The following EIF3A variants were observed in gnomAD, a reference collection of about 807,000 sequenced individuals.
EIF3A encodes EIF3, p180 subunit.
EIF3A carries 21 observed loss-of-function variants against 186.6 expected under a neutral mutation model. That is an observed-to-expected ratio of 0.11 (90% CI 0.08 to 0.16). The LOEUF is 0.16. Among genes scored for constraint, EIF3A ranks in the 10% least tolerant of loss-of-function variants. The pLI, the probability that EIF3A is intolerant of heterozygous loss-of-function variation, is 1.00. For synonymous variants in EIF3A, 563 were observed against 584.3 expected (o/e 0.96, Z 0.52); for missense variants, 1,306 against 1,796.3 (o/e 0.73, Z 4.93).
chr10:119,034,662 A>G lies in EIF3A; in HGVS notation c.*1377T>C, dbSNP rs1055330806. On this transcript the variant is annotated 3_prime_UTR_variant, in exon 22 of 22. Coordinates refer to ENST00000369144, the MANE Select transcript of EIF3A (RefSeq NM_003750.4). The stretch of plus-strand genomic sequence containing the variant: ...CTCTTCTGGCCCTACAGCTGTACCA[A>G]TAGGAATTCTCACCACTACTCAATA... 6.6e-6 allele frequency: 1 copy of G among 152,218 alleles called. No individual in the cohort carries two copies. Among genetic ancestry groups the G allele is most frequent in the Admixed American group, 6.5e-5 (1 of 15,286 alleles). 9.4% of individuals were successfully genotyped at this position (152,218 alleles called of 1,614,324 possible).
Position 119,037,070 on chromosome 10 carries a change from C to CA in EIF3A, c.3919+48_3919+49insT, listed in dbSNP as rs780294318. On this transcript the variant is annotated intron_variant, in intron 21 of 21. Coordinates refer to ENST00000369144, the MANE Select transcript of EIF3A (RefSeq NM_003750.4). ...ATTAAATAACCCAAATCCCCCCCCC[C>CA]CCAGAAACGACAGTTCTCCAATACT... is the stretch of plus-strand genomic sequence containing the variant. 2,635 of 996,740 alleles carry CA rather than the reference C, an allele frequency of 2.6e-3. 85 individuals are homozygous for CA. The highest frequency in any genetic ancestry group is 4.2e-3 in the Admixed American group (183 of 43,526). The allele number at this position is 996,740 out of a possible 1,614,324, so 61.7% of individuals were successfully genotyped here. A position where few individuals can be genotyped will look rare whatever the true frequency, so the allele number is the denominator to read the frequency against.
At position 119,056,928 on chromosome 10, in the gene EIF3A, T is replaced by G. The variant is rs768513460; in HGVS notation, c.2082+8A>C. The G allele has an allele frequency of 1.2e-6, 2 of 1,603,342 alleles. No individual in the cohort carries two copies. The highest frequency in any genetic ancestry group is 2.2e-5 in the South Asian group (2 of 90,542). ...GTATGTTAAAGGTTTACCAACCCTT[T>G]CATTTACCTTCTTTTCTTGATTCTT... On this transcript the variant is annotated splice_region_variant and intron_variant, in intron 13 of 21. Coordinates refer to ENST00000369144, the MANE Select transcript of EIF3A (RefSeq NM_003750.4).
chr10:119,068,047 G>A (rs1844008344), intron 6 of EIF3A, among the ~76,000 whole-genome samples: 1 of 152,124 alleles, frequency 6.6e-6, no homozygotes. Context: ...CTAACCCTAA[G>A]TGATCCACCC....
Position 119,059,004 on chromosome 10 carries a change from TAC to T in EIF3A, c.1629+206_1629+207del, listed in dbSNP as rs543388786. ...ACATAATCCACCCTATTACATTACC[TAC>T]ACAGAGTAGTATTTTGTTCAATGGA... On this transcript the variant is annotated intron_variant, in intron 11 of 21. Transcript: ENST00000369144. 5.3e-5 allele frequency among the ~76,000 whole-genome samples: 8 copies of T among 152,362 alleles called. No homozygotes were observed. In the East Asian group the frequency reaches 1.5e-3, roughly 29 times the overall value.
chr10:119,059,657 T>C lies in EIF3A; in HGVS notation c.1388A>G (p.Asp463Gly). ...TATGGCCCGTTCCAGTTGGAAAGCA[T>C]CAACAAAAGGAACCAAAGAAGTCAA... The part of the protein sequence containing the change: ...SRLTSLVPFV[D>G]AFQLERAIVD... Residue 463 changes from aspartate (D) to glycine (G), a missense_variant, in exon 10 of 22, where the codon GAT becomes GGT. Around this residue, in one of 8 missense-constraint regions of EIF3A, gnomAD observed 267 missense variants for 367.8 expected, o/e 0.73. Transcript: ENST00000369144. The C allele has an allele frequency of 1.2e-6, 2 of 1,614,112 alleles. No individual in the cohort carries two copies. The highest frequency in any genetic ancestry group is 1.7e-6 in the Non-Finnish European group (2 of 1,180,008).
intron 3 of EIF3A, 73 bp from the exon 4 acceptor site, chr10:119,073,126 A>AT: frequency 2.1e-6 from 3 of 1,405,360 alleles, no homozygotes; most frequent in Non-Finnish European, 2.9e-6. Flanking sequence ...AACCAAAACA[A>AT]TGTTCATCAG....
chr10:119,073,283 T>C (rs1244257256), intron 3 of EIF3A, among the ~76,000 whole-genome samples, 158 bp downstream of exon 3: 3 of 152,256 alleles, frequency 2.0e-5, no homozygotes, highest in Non-Finnish European at 4.4e-5. Flanking sequence ...TATGAATTTT[T>C]ATTACCTACA....
Position 119,035,973 on chromosome 10 carries a change from G to A in EIF3A, c.*66C>T. ...CCAATTTAGATTGGTTGAAGCACAA[G>A]TATAATAATCCTTGAATGTGATCAA... On this transcript the variant is annotated 3_prime_UTR_variant, in exon 22 of 22. Coordinates refer to ENST00000369144, the MANE Select transcript of EIF3A (RefSeq NM_003750.4). 8.1e-7 allele frequency: 1 copy of A among 1,234,442 alleles called. No homozygotes were observed. The highest frequency in any genetic ancestry group is 1.2e-6 in the Non-Finnish European group (1 of 840,710). The allele number at this position is 1,234,442 out of a possible 1,614,324, so 76.5% of individuals were successfully genotyped here. A position where few individuals can be genotyped will look rare whatever the true frequency, so the allele number is the denominator to read the frequency against.
intron 14 of EIF3A, among the ~76,000 whole-genome samples, chr10:119,055,666 C>T (rs1358992813): frequency 6.6e-6 from 1 of 152,104 alleles, no homozygotes; most frequent in Admixed American, 6.5e-5. Flanking sequence ...GAGCCCAGGA[C>T]TTTGAGACCT....
chr10:119,059,521 T>C (rs1325898680), intron 10 of EIF3A, 81 bp downstream of exon 10: 71 of 1,335,230 alleles, frequency 5.3e-5, no homozygotes, highest in Non-Finnish European at 7.2e-5. Flanking sequence ...GGTATCACTG[T>C]ACCAAAAGCT....
chr10:119,071,185 G>C, intron 4 of EIF3A, 100 bp from the exon 5 acceptor site: 1 of 846,422 alleles, frequency 1.2e-6, no homozygotes, highest in Non-Finnish European at 1.9e-6. Context: ...GTTTTAACAG[G>C]ATTCACCAAA....
intron 14 of EIF3A, among the ~76,000 whole-genome samples, chr10:119,054,967 T>C (rs576596273): frequency 1.3e-5 from 2 of 152,306 alleles, no homozygotes; most frequent in South Asian, 2.1e-4. Flanking sequence ...CCCAGCACTT[T>C]GGGAGGCTGA....
At chr10:119,061,522 T>C (rs1268928133) in intron 7 of EIF3A, among the ~76,000 whole-genome samples, 194 bp from the exon 8 acceptor site, 4 of 151,920 alleles carry the variant, frequency 2.6e-5, no homozygotes, top group African/African-American at 9.7e-5. Flanking sequence ...ACTATGCACA[T>C]TAACCTACCG....
intron 17 of EIF3A, among the ~76,000 whole-genome samples, chr10:119,046,542 C>G (rs1313059588): frequency 6.6e-6 from 1 of 152,120 alleles, no homozygotes; most frequent in Non-Finnish European, 1.5e-5. Flanking sequence ...TATCTAGAAG[C>G]AAAAATACCC....
At chr10:119,037,723 T>A (rs1356402873) in intron 20 of EIF3A, among the ~76,000 whole-genome samples, 1 of 152,016 alleles carries the variant, frequency 6.6e-6, no homozygotes, top group Non-Finnish European at 1.5e-5. Context: ...AGCTAGAACT[T>A]CTACTACTAA....
chr10:119,068,987 A>AG (rs1358912374), intron 6 of EIF3A, among the ~76,000 whole-genome samples: 3 of 151,964 alleles, frequency 2.0e-5, no homozygotes, highest in African/African-American at 7.2e-5. Flanking sequence ...AAAAAAAAAA[A>AG]AAAGAAAAGG....
intron 11 of EIF3A, among the ~76,000 whole-genome samples, chr10:119,058,710 C>G (rs1360733172): frequency 6.6e-6 from 1 of 152,214 alleles, no homozygotes. Flanking sequence ...TGGTGAAACC[C>G]CATCTCTACT....
chr10:119,074,993 T>TTC (rs1554873493), intron 1 of EIF3A, among the ~76,000 whole-genome samples: 1 of 147,108 alleles, frequency 6.8e-6, no homozygotes, highest in East Asian at 2.0e-4. Context: ...TCTTTTTTTT[T>TTC]TTTTTTGACA....
intron 14 of EIF3A, among the ~76,000 whole-genome samples, chr10:119,053,199 C>T (rs1848381622): frequency 6.6e-6 from 1 of 152,062 alleles, no homozygotes; most frequent in Admixed American, 6.6e-5. Flanking sequence ...TTTGTTCTTT[C>T]ATGTACAGAC....
Sources: allele counts gnomAD v4.1 joint callset (sites outside exome capture counted in the v4.1 genomes callset), GRCh38; gene constraint gnomAD v4.1.1; regional missense constraint gnomAD v4.1.1; transcripts MANE v1.5; gene names NCBI Gene and HGNC (gene_info 2026-07-23, HGNC 2026-07-21).